Variants in MPDZ observed in about 807,000 individuals in gnomAD.
MPDZ encodes multiple PDZ domain protein.
Under a neutral mutation model 239.1 loss-of-function variants are expected in MPDZ, and 234 were observed. The ratio of observed to expected loss-of-function variants is 0.98; its 90% confidence interval spans 0.88 to 1.09. The LOEUF is 1.09. Ranked by LOEUF, MPDZ falls within the 50% of genes least tolerant of loss-of-function variation. The pLI, the probability that MPDZ is intolerant of heterozygous loss-of-function variation, is 0.00. For missense variants in MPDZ, 3,175 were observed against 2,510.0 expected (o/e 1.26, Z -5.66); for synonymous variants, 1,048 against 881.3 (o/e 1.19, Z -3.35).
intron 10 of MPDZ, among the ~76,000 whole-genome samples, chr9:13,215,761 T>TG (rs1000780024): frequency 7.3e-5 from 10 of 136,460 alleles, no homozygotes; most frequent in African/African-American, 1.9e-4. Context: ...AGGTTTTTTT[T>TG]TTTTTTTTTT....
In MPDZ at chr9:13,207,512, T is replaced by C. The variant is rs574481999; in HGVS notation, c.1291-1413A>G. ...TCCTGTTACCTCAGCCTGGACTCTCTGGATAGCCCACTCTAGACCATGCTC... is the reference window on the plus strand; with the variant it reads ...TCCTGTTACCTCAGCCTGGACTCTCCGGATAGCCCACTCTAGACCATGCTC... On this transcript the variant is annotated intron_variant, in intron 10 of 46. Coordinates refer to ENST00000319217, the MANE Select transcript of MPDZ (RefSeq NM_001378778.1). Among the ~76,000 whole-genome samples, 363 of 152,318 alleles carry C rather than the reference T, an allele frequency of 2.4e-3. 4 individuals carry two copies. The highest frequency in any genetic ancestry group is 7.9e-3 in the African/African-American group (329 of 41,570).
chr9:13,172,389 T>TG (rs1554676119), intron 21 of MPDZ, among the ~76,000 whole-genome samples: 3 of 150,350 alleles, frequency 2.0e-5, no homozygotes, highest in Non-Finnish European at 4.5e-5. Flanking sequence ...TGTTTTTTGT[T>TG]TTTTTTTTTT....
chr9:13,112,044 C>T lies in MPDZ; in HGVS notation c.5704G>A (p.Ala1902Thr). The change falls in exon 43 of 47, where the codon GCA (alanine) becomes ACA (threonine). Residue 1902 changes from alanine to threonine, a missense_variant. Coordinates refer to ENST00000319217, the MANE Select transcript of MPDZ (RefSeq NM_001378778.1). ...IAMMHPTGVA[A>T]QTQKLRVGDR... ...CTCACTCTGAGTTTTTGGGTCTGTG[C>T]TGCAACTCCAGTTGGGTGCATCATT... 1 of 1,613,620 alleles carries T rather than the reference C, an allele frequency of 6.2e-7. No individual in the cohort carries two copies. Among genetic ancestry groups the T allele is most frequent in the Non-Finnish European group, 8.5e-7 (1 of 1,179,624 alleles).
At chr9:13,188,650 T>A (rs914092379) in intron 17 of MPDZ, 134 bp downstream of exon 17, 7 of 612,082 alleles carry the variant, frequency 1.1e-5, no homozygotes, top group African/African-American at 7.3e-5. Flanking sequence ...TTTATACGAA[T>A]GGAGCTAGTA....
rs1955219714 is a variant in MPDZ at position 13,193,433 on chromosome 9, A to G, written c.1657-120T>C. Reference sequence around the variant, plus strand: ...TCATCTTTCTCACAAAGCTTCAAAAACCATATTGTAAAACTGCAAAGCTTT... The same window carrying G: ...TCATCTTTCTCACAAAGCTTCAAAAGCCATATTGTAAAACTGCAAAGCTTT... On this transcript the variant is annotated intron_variant, in intron 13 of 46. Coordinates refer to ENST00000319217, the MANE Select transcript of MPDZ (RefSeq NM_001378778.1). 20 of 1,123,644 alleles carry G rather than the reference A, an allele frequency of 1.8e-5. No individual in the cohort carries two copies. The Admixed American group carries it at 4.9e-4, about 28-fold the overall frequency. 69.6% of individuals were successfully genotyped at this position (1,123,644 alleles called of 1,614,324 possible).
chr9:13,219,781 A>G lies in MPDZ; in HGVS notation c.877-13T>C, dbSNP rs1448395491. The G allele has an allele frequency of 1.2e-6, 2 of 1,608,838 alleles. No individual in the cohort carries two copies. The highest frequency in any genetic ancestry group is 1.7e-4 in the Middle Eastern group (1 of 6,030). ...ATAAACGCCCATGCTGAGTAAAACA[A>G]TATTGAATAATTAGACTATTATTAT... On this transcript the variant is annotated splice_polypyrimidine_tract_variant and intron_variant, in intron 7 of 46. Coordinates refer to ENST00000319217, the MANE Select transcript of MPDZ (RefSeq NM_001378778.1).
intron 36 of MPDZ, among the ~76,000 whole-genome samples, chr9:13,122,672 A>G (rs1944532484): frequency 6.6e-6 from 1 of 152,194 alleles, no homozygotes; most frequent in Admixed American, 6.5e-5. Flanking sequence ...AGACGCTACC[A>G]TGCCTAGCTA....
Position 13,245,639 on chromosome 9 carries a change from G to A in MPDZ, c.183+1996C>T, listed in dbSNP as rs182060607. Among the ~76,000 whole-genome samples, 389 of 152,244 alleles carry A rather than the reference G, an allele frequency of 2.6e-3. 2 individuals are homozygous for A. The highest frequency in any genetic ancestry group is 9.1e-3 in the African/African-American group (377 of 41,546). On this transcript the variant is annotated intron_variant, in intron 3 of 46. Transcript: ENST00000319217. The stretch of plus-strand genomic sequence containing the variant: ...AAAAACATGTAAGACATGTCTCATA[G>A]AATTCACAGACCTCACAATTTATGT...
chr9:13,214,959 T>C (rs141721694), intron 10 of MPDZ, among the ~76,000 whole-genome samples: 1,718 of 152,036 alleles, frequency 0.011, 26 homozygotes, highest in Middle Eastern at 0.024. Context: ...AAAGGACTCC[T>C]CCATTTTTTA....
intron 23 of MPDZ, among the ~76,000 whole-genome samples, chr9:13,160,223 A>G (rs929179811): frequency 6.6e-6 from 1 of 152,186 alleles, no homozygotes; most frequent in Non-Finnish European, 1.5e-5. Flanking sequence ...AAGAACATGG[A>G]GTATGCTTAC....
At chr9:13,147,295 T>C (rs1948563628) in intron 26 of MPDZ, among the ~76,000 whole-genome samples, 1 of 152,042 alleles carries the variant, frequency 6.6e-6, no homozygotes, top group South Asian at 2.1e-4. Flanking sequence ...TAATTAACCA[T>C]CTAGATACCT....
intron 25 of MPDZ, among the ~76,000 whole-genome samples, chr9:13,148,740 A>C (rs55748018): frequency 0.032 from 4,318 of 135,672 alleles, 96 homozygotes; most frequent in Middle Eastern, 0.073. Flanking sequence ...GCACTCACCT[A>C]GTCTATATAC....
intron 23 of MPDZ, 124 bp from the exon 24 acceptor site, chr9:13,158,234 A>T (rs376189700): frequency 1.5e-6 from 1 of 676,588 alleles, no homozygotes; most frequent in Non-Finnish European, 2.5e-6. Context: ...ATACATGGCC[A>T]TAAGTATAAA....
intron 29 of MPDZ, among the ~76,000 whole-genome samples, chr9:13,137,059 G>A (rs1310587902): frequency 6.6e-5 from 10 of 152,026 alleles, no homozygotes; most frequent in African/African-American, 1.2e-4. Flanking sequence ...GCACCACTTG[G>A]ACCAACTGCA....
intron 12 of MPDZ, among the ~76,000 whole-genome samples, chr9:13,203,529 G>C (rs1284972847): frequency 1.3e-5 from 2 of 152,066 alleles, no homozygotes; most frequent in Non-Finnish European, 2.9e-5. Flanking sequence ...CTCTGATCTT[G>C]CTGGAAAGTC....
chr9:13,234,948 T>C (rs1252470442), intron 3 of MPDZ, among the ~76,000 whole-genome samples: 1 of 152,108 alleles, frequency 6.6e-6, no homozygotes, highest in African/African-American at 2.4e-5. Context: ...AATGCAAAGA[T>C]AGGATGCTGA....
chr9:13,213,003 C>A (rs191793281), intron 10 of MPDZ, among the ~76,000 whole-genome samples: 2 of 152,106 alleles, frequency 1.3e-5, no homozygotes, highest in African/African-American at 4.8e-5. Flanking sequence ...TGAACACAGT[C>A]ACAGAAAACC....
In MPDZ at chr9:13,126,569, C is replaced by A; in HGVS notation, c.4579G>T (p.Asp1527Tyr). 6.3e-7 allele frequency: 1 copy of A among 1,593,444 alleles called. No homozygotes were observed. Among genetic ancestry groups the A allele is most frequent in the East Asian group, 2.3e-5 (1 of 44,284 alleles). The change falls in exon 34 of 47, where the codon GAT becomes TAT. Residue 1527 changes from aspartate to tyrosine, a missense_variant. Coordinates refer to ENST00000319217, the MANE Select transcript of MPDZ (RefSeq NM_001378778.1). ...AATDGRLKVG[D>Y]QILAVDDEIV... ...TCATCATCTACAGCCAGTATCTGAT[C>A]TCCGACTTTGAGTCGTCCATCCTAA...
chr9:13,129,019 A>C (rs1327693539), intron 32 of MPDZ, among the ~76,000 whole-genome samples: 2 of 152,200 alleles, frequency 1.3e-5, no homozygotes, highest in African/African-American at 4.8e-5. Context: ...AACCTGATGG[A>C]ATTAGTTCAT....
Sources: gnomAD v4.1 joint callset for allele counts (sites outside exome capture counted in the v4.1 genomes callset) on GRCh38, gnomAD v4.1.1 for gene constraint, MANE v1.5 for transcripts, NCBI Gene and HGNC (gene_info 2026-07-23, HGNC 2026-07-21) for gene names.